The following LGR6 variants were observed in gnomAD, a reference collection of about 807,000 sequenced individuals.
The protein encoded by LGR6 is leucine rich repeat containing G protein-coupled receptor 6.
LGR6 carries 45 observed loss-of-function variants against 69.4 expected under a neutral mutation model. The observed-to-expected ratio is 0.65, with a 90% CI of 0.51 to 0.83. LGR6 has a LOEUF of 0.83. LGR6 is among the 40% of genes least tolerant of loss of function. LGR6 has a pLI of 0.00. For missense variants in LGR6, 1,108 were observed against 1,246.7 expected (o/e 0.89, Z 1.68); for synonymous variants, 538 against 555.0 (o/e 0.97, Z 0.43).
Position 202,193,831 on chromosome 1 carries a change from C to A in LGR6, c.-159C>A. Reference sequence around the variant, plus strand: ...AATGCCTGCCCCTCTCTGACTGCACCGTCCCGGCGCTCCCACCGCCGCCGC... The same window carrying A: ...AATGCCTGCCCCTCTCTGACTGCACAGTCCCGGCGCTCCCACCGCCGCCGC... On this transcript the variant is annotated 5_prime_UTR_variant, in exon 1 of 18. Transcript: ENST00000367278. 1 of 315,928 alleles carries A rather than the reference C, an allele frequency of 3.2e-6. No homozygotes were observed. The highest frequency in any genetic ancestry group is 1.3e-4 in the South Asian group (1 of 7,914). The allele number at this position is 315,928 out of a possible 1,614,324, so 19.6% of individuals were successfully genotyped here.
chr1:202,272,368 A>G (rs1665176843), intron 4 of LGR6, among the ~76,000 whole-genome samples: 1 of 151,948 alleles, frequency 6.6e-6, no homozygotes, highest in African/African-American at 2.4e-5. Flanking sequence ...GTCCTGGCCG[A>G]TTTCTTCCAT....
chr1:202,311,308 G>T (rs1233216232), intron 16 of LGR6, among the ~76,000 whole-genome samples: 1 of 152,186 alleles, frequency 6.6e-6, no homozygotes, highest in Non-Finnish European at 1.5e-5. Flanking sequence ...TCACCAGTTG[G>T]ATTGCATTGG....
chr1:202,250,482 C>T (rs1175145654), intron 4 of LGR6, among the ~76,000 whole-genome samples: 6 of 151,672 alleles, frequency 4.0e-5, no homozygotes, highest in East Asian at 1.9e-4. Context: ...CTTGGCTCAC[C>T]GCAACCTCTG....
Position 202,309,052 on chromosome 1 carries a change from G to A in LGR6, c.1282G>A (p.Asp428Asn). ...AACCCTGACCATCCACTGTCCTAGG[G>A]ACCTGACAGACAACCAGCTGACCAC... ...FSTLHSLVKL[D>N]LTDNQLTTLP... Residue 428 changes from aspartate to asparagine, a missense_variant and splice_region_variant, in exon 15 of 18, where the codon GAC (aspartate) becomes AAC (asparagine). Coordinates refer to ENST00000367278, the MANE Select transcript of LGR6 (RefSeq NM_001017403.2). The A allele has an allele frequency of 6.2e-7, 1 of 1,613,966 alleles. No individual in the cohort carries two copies. Among genetic ancestry groups the A allele is most frequent in the Non-Finnish European group, 8.5e-7 (1 of 1,179,972 alleles).
intron 1 of LGR6, among the ~76,000 whole-genome samples, chr1:202,205,666 C>T (rs62650685): frequency 0.65 from 91,583 of 140,750 alleles, 30,135 homozygotes; most frequent in South Asian, 0.86. Context: ...GCACACCTCC[C>T]TCAAACATAC....
At chr1:202,261,075 C>T (rs1038926200) in intron 4 of LGR6, among the ~76,000 whole-genome samples, 1 of 151,706 alleles carries the variant, frequency 6.6e-6, no homozygotes, top group Non-Finnish European at 1.5e-5. Flanking sequence ...CTAATGTTTT[C>T]TTTTTATTAT....
At chr1:202,235,768 C>A (rs1386745946) in intron 3 of LGR6, among the ~76,000 whole-genome samples, 154 bp from the exon 4 acceptor site, 2 of 152,128 alleles carry the variant, frequency 1.3e-5, no homozygotes. Flanking sequence ...ACTAACAAAG[C>A]AGGGGAGCTG....
intron 1 of LGR6, among the ~76,000 whole-genome samples, chr1:202,199,819 A>G (rs1658776732): frequency 6.6e-6 from 1 of 152,204 alleles, no homozygotes; most frequent in Non-Finnish European, 1.5e-5. Flanking sequence ...TAAAATGGAA[A>G]CACTAATAGT....
At chr1:202,200,511 T>A (rs1658801752) in intron 1 of LGR6, among the ~76,000 whole-genome samples, 1 of 152,148 alleles carries the variant, frequency 6.6e-6, no homozygotes, top group Admixed American at 6.5e-5. Context: ...TCAAGGAGCC[T>A]GCTGGGGCTT....
intron 4 of LGR6, 69 bp from the exon 5 acceptor site, chr1:202,276,237 C>G: frequency 1.5e-6 from 2 of 1,349,760 alleles, no homozygotes; most frequent in South Asian, 2.6e-5. Flanking sequence ...CTGGCTGGCC[C>G]AGTCTAGCCC....
chr1:202,200,118 T>C lies in LGR6; in HGVS notation c.212+5917T>C, dbSNP rs113191169. On this transcript the variant is annotated intron_variant, in intron 1 of 17. Transcript: ENST00000367278. ...CACTGACTTTCAGGGAAACAGGCCT[T>C]TCAAGCAGCCAGTTCTGCTCTTGGG... 3.5e-3 allele frequency among the ~76,000 whole-genome samples: 533 copies of C among 152,244 alleles called. 1 individual carries two copies. The highest frequency in any genetic ancestry group is 0.017 in the South Asian group (84 of 4,820).
chr1:202,220,425 G>A (rs1660071540), intron 1 of LGR6, among the ~76,000 whole-genome samples: 1 of 132,980 alleles, frequency 7.5e-6, no homozygotes, highest in Non-Finnish European at 1.7e-5. Context: ...CACCATGTTG[G>A]CCAGACTGGT....
At chr1:202,301,066 T>C in intron 8 of LGR6, 98 bp from the exon 9 acceptor site, 3 of 1,366,876 alleles carry the variant, frequency 2.2e-6, no homozygotes, top group Non-Finnish European at 3.1e-6. Context: ...TGTTCTTTCC[T>C]GGGTCTACAT....
At chr1:202,274,732 G>A (rs779769591) in intron 4 of LGR6, among the ~76,000 whole-genome samples, 3 of 152,192 alleles carry the variant, frequency 2.0e-5, no homozygotes, top group Non-Finnish European at 4.4e-5. Context: ...GCTCCCCAGG[G>A]TGGTTCAGCC....
chr1:202,264,631 G>T (rs937351407), intron 4 of LGR6, among the ~76,000 whole-genome samples: 3 of 152,290 alleles, frequency 2.0e-5, no homozygotes, highest in Non-Finnish European at 2.9e-5. Flanking sequence ...CAGGATTCCG[G>T]GATTGTCACC....
chr1:202,314,909 CG>C (rs1558088655), intron 17 of LGR6, 27 bp downstream of exon 17: 3 of 1,569,878 alleles, frequency 1.9e-6, no homozygotes, highest in Non-Finnish European at 2.6e-6. Flanking sequence ...GGAATGGGGA[CG>C]AGGGGGAATG....
intron 2 of LGR6, among the ~76,000 whole-genome samples, chr1:202,226,965 C>G (rs1660602846): frequency 6.6e-6 from 1 of 152,174 alleles, no homozygotes. Flanking sequence ...ACATTGGACA[C>G]GACCTGAGAA....
At position 202,216,906 on chromosome 1, in the gene LGR6, A is replaced by C. The variant is rs529799819; in HGVS notation, c.213-8517A>C. 5.9e-5 allele frequency among the ~76,000 whole-genome samples: 9 copies of C among 152,284 alleles called. No individual in the cohort carries two copies. The East Asian group carries it at 1.7e-3, about 29-fold the overall frequency. On this transcript the variant is annotated intron_variant, in intron 1 of 17. Transcript: ENST00000367278. Reference sequence around the variant, plus strand: ...CCTGGCTCTGGGCACAGGCAGGGGAACACCTCCCCAGGCTCTCTGAGAGCC... The same window carrying C: ...CCTGGCTCTGGGCACAGGCAGGGGACCACCTCCCCAGGCTCTCTGAGAGCC...
chr1:202,303,331 A>G lies in LGR6; in HGVS notation c.982A>G (p.Thr328Ala). The G allele has an allele frequency of 6.2e-7, 1 of 1,613,766 alleles. No homozygotes were observed. The highest frequency in any genetic ancestry group is 8.5e-7 in the Non-Finnish European group (1 of 1,179,666). The change falls in exon 10 of 18, where the codon ACC (threonine) becomes GCC (alanine). Residue 328 changes from threonine to alanine, a missense_variant. Transcript: ENST00000367278. ...GGAGTTTCCAGATCTCAAAGGCACC[A>G]CCAGCCTGGAGATCCTGTGAGTGGC... Reference protein sequence around the residue: ...IQEFPDLKGTTSLEILTLTRA... With the variant: ...IQEFPDLKGTASLEILTLTRA...
Sources: allele counts gnomAD v4.1 joint callset (sites outside exome capture counted in the v4.1 genomes callset), GRCh38; gene constraint gnomAD v4.1.1; transcripts MANE v1.5; gene names NCBI Gene and HGNC (gene_info 2026-07-23, HGNC 2026-07-21).